The following NPAS3 variants were observed in gnomAD, a reference collection of about 807,000 sequenced individuals.
NPAS3 encodes neuronal PAS domain protein 3.
A neutral mutation model predicts 73.1 loss-of-function variants in NPAS3; 14 were observed. The ratio of observed to expected loss-of-function variants is 0.19; its 90% CI spans 0.13 to 0.30. The LOEUF is 0.30. Ranked by LOEUF, NPAS3 falls within the 10% of genes least tolerant of loss-of-function variation. The pLI is 1.00. For synonymous variants in NPAS3, 620 were observed against 541.5 expected (o/e 1.14, Z -2.01); for missense variants, 1,096 against 1,250.0 (o/e 0.88, Z 1.86).
chr14:33,499,968 G>C (rs138235395), intron 4 of NPAS3, among the ~76,000 whole-genome samples: 249 of 152,032 alleles, frequency 1.6e-3, no homozygotes, highest in African/African-American at 5.9e-3. Context: ...AGTCTGAACG[G>C]AAGAAAATAA....
chr14:33,075,785 C>T (rs2041638706), intron 2 of NPAS3, among the ~76,000 whole-genome samples: 2 of 152,098 alleles, frequency 1.3e-5, no homozygotes, highest in South Asian at 4.2e-4. Flanking sequence ...AGGAAATCTT[C>T]AGTAAACTGT....
At chr14:33,685,168 C>T (rs2060054851) in intron 6 of NPAS3, among the ~76,000 whole-genome samples, 1 of 152,056 alleles carries the variant, frequency 6.6e-6, no homozygotes, top group Non-Finnish European at 1.5e-5. Flanking sequence ...GACGAGGCTC[C>T]CCACCTCCCA....
At chr14:33,051,003 G>A (rs988131262) in intron 1 of NPAS3, among the ~76,000 whole-genome samples, 3 of 152,132 alleles carry the variant, frequency 2.0e-5, no homozygotes, top group African/African-American at 7.2e-5. Flanking sequence ...GGCCGGGCGC[G>A]GTGGCTCACG....
rs150395565 is a variant in NPAS3 at position 33,296,728 on chromosome 14, A to G, written c.386-70458A>G. ...TTTTCGACTCCATTTTTCTTGGTTC[A>G]CGTAGAAGCAGAAGTGTTCAGTTTA... On this transcript the variant is annotated intron_variant, in intron 3 of 11. Coordinates refer to ENST00000356141, the Ensembl canonical transcript of NPAS3. Among the ~76,000 whole-genome samples the G allele has an allele frequency of 8.7e-4, 133 of 152,326 alleles. 1 individual carries two copies. Among genetic ancestry groups the G allele is most frequent in the African/African-American group, 3.1e-3 (129 of 41,572 alleles).
chr14:33,082,797 T>C (rs2041900748), intron 2 of NPAS3, among the ~76,000 whole-genome samples: 3 of 152,194 alleles, frequency 2.0e-5, no homozygotes. Context: ...TATAGAGTGG[T>C]GCGAGGTTTT....
chr14:33,545,279 C>T (rs180780924), intron 4 of NPAS3, among the ~76,000 whole-genome samples: 205 of 152,250 alleles, frequency 1.3e-3, no homozygotes, highest in Middle Eastern at 3.4e-3. Flanking sequence ...CCTACACTTC[C>T]AAGTGTATTT....
In NPAS3 at chr14:33,552,236, A is replaced by G. The variant is rs74042309; in HGVS notation, c.469-7885A>G. Among the ~76,000 whole-genome samples the G allele has an allele frequency of 6.5e-3, 989 of 152,322 alleles. 7 individuals are homozygous for G. The highest frequency in any genetic ancestry group is 0.022 in the African/African-American group (932 of 41,582). ...GAAGAGGCAAGGATTCCACACAGCT[A>G]TATCGAGGTGTGAAACAACTAAAAT... On this transcript the variant is annotated intron_variant, in intron 4 of 11. Coordinates refer to ENST00000356141, the Ensembl canonical transcript of NPAS3.
chr14:33,235,432 T>G (rs918748326), intron 3 of NPAS3, among the ~76,000 whole-genome samples: 1 of 152,134 alleles, frequency 6.6e-6, no homozygotes, highest in Non-Finnish European at 1.5e-5. Flanking sequence ...TTAAGCATAA[T>G]GTAGGTTATA....
chr14:33,577,153 T>C (rs922968716), intron 5 of NPAS3, among the ~76,000 whole-genome samples: 1 of 152,130 alleles, frequency 6.6e-6, no homozygotes, highest in Non-Finnish European at 1.5e-5. Flanking sequence ...GGCAGAAATA[T>C]GGTGTTCTTT....
At chr14:33,082,195 G>A (rs1231927498) in intron 2 of NPAS3, among the ~76,000 whole-genome samples, 2 of 152,102 alleles carry the variant, frequency 1.3e-5, no homozygotes, top group African/African-American at 4.8e-5. Flanking sequence ...ACTCCCGTTT[G>A]TGCTCCTAGA....
At chr14:32,962,880 CTTT>C (rs74828243) in intron 1 of NPAS3, among the ~76,000 whole-genome samples, 1 of 137,486 alleles carries the variant, frequency 7.3e-6, no homozygotes, top group Non-Finnish European at 1.6e-5. Flanking sequence ...GTTTTTCTTT[CTTT>C]TTTTTTTTTT....
At chr14:33,118,161 T>C (rs1232229808) in intron 2 of NPAS3, among the ~76,000 whole-genome samples, 1 of 152,012 alleles carries the variant, frequency 6.6e-6, no homozygotes, top group Non-Finnish European at 1.5e-5. Flanking sequence ...AAATAGTATA[T>C]ATCACATTGT....
At chr14:33,160,606 G>T in intron 2 of NPAS3, among the ~76,000 whole-genome samples, 1 of 149,598 alleles carries the variant, frequency 6.7e-6, no homozygotes, top group African/African-American at 2.5e-5. Context: ...AAACCTGCAC[G>T]TTGTGCACAT....
intron 6 of NPAS3, among the ~76,000 whole-genome samples, chr14:33,701,749 A>G (rs1166033422): frequency 1.3e-5 from 2 of 152,156 alleles, no homozygotes; most frequent in Non-Finnish European, 2.9e-5. Flanking sequence ...TATCCATTTA[A>G]CAACTTTTTG....
chr14:33,212,058 G>C (rs1347020503), intron 2 of NPAS3, among the ~76,000 whole-genome samples: 2 of 152,132 alleles, frequency 1.3e-5, no homozygotes, highest in Non-Finnish European at 2.9e-5. Flanking sequence ...CAAATACAAA[G>C]TTTATTTTGG....
intron 5 of NPAS3, among the ~76,000 whole-genome samples, chr14:33,629,979 A>G (rs2058333400): frequency 6.6e-6 from 1 of 152,168 alleles, no homozygotes; most frequent in African/African-American, 2.4e-5. Context: ...AATTCTTCAC[A>G]TCCACAATTT....
chr14:33,290,558 C>T (rs1273649244), intron 3 of NPAS3, among the ~76,000 whole-genome samples: 1 of 152,152 alleles, frequency 6.6e-6, no homozygotes, highest in Non-Finnish European at 1.5e-5. Flanking sequence ...ACAAAATATG[C>T]CCCAGTGCAT....
chr14:33,637,838 G>C (rs1567075961), intron 5 of NPAS3, among the ~76,000 whole-genome samples: 1 of 152,108 alleles, frequency 6.6e-6, no homozygotes, highest in Non-Finnish European at 1.5e-5. Flanking sequence ...AAATCTAGAA[G>C]TTGCACTAAA....
intron 2 of NPAS3, among the ~76,000 whole-genome samples, chr14:33,202,768 G>T (rs1428940860): frequency 6.8e-6 from 1 of 147,020 alleles, no homozygotes; most frequent in Non-Finnish European, 1.5e-5. Flanking sequence ...TATTTCAGTT[G>T]GTTCTGAAGT....
Sources: gnomAD v4.1 joint callset for allele counts (sites outside exome capture counted in the v4.1 genomes callset) on GRCh38, gnomAD v4.1.1 for gene constraint, MANE v1.5 for transcripts, NCBI Gene and HGNC (gene_info 2026-07-23, HGNC 2026-07-21) for gene names.